The following SYTL3 variants were observed in gnomAD, a reference collection of about 807,000 sequenced individuals.
The protein encoded by SYTL3 is synaptotagmin-like protein 3.
SYTL3 carries 88 observed loss-of-function variants against 82.1 expected under a neutral mutation model. The ratio of observed to expected loss-of-function variants is 1.07; its 90% CI spans 0.90 to 1.28. The LOEUF is 1.28. SYTL3 is among the 50% of genes most tolerant of loss of function. The pLI, the probability that SYTL3 is intolerant of heterozygous loss-of-function variation, is 0.00. For synonymous variants in SYTL3, 311 were observed against 289.4 expected, an observed-to-expected ratio of 1.07 and a Z score of -0.76; for missense variants, 831 against 757.6, an observed-to-expected ratio of 1.10 and a Z score of -1.14.
chr6:158,683,094 G>A, intron 6 of SYTL3, 105 bp downstream of exon 6: 1 of 785,826 alleles, frequency 1.3e-6, no homozygotes, highest in Non-Finnish European at 2.1e-6. Flanking sequence ...GGTGTAGTCT[G>A]CGGGCCCCTA....
rs749740228 is a variant in SYTL3, at chr6:158,763,319, A to T, written c.1533A>T (p.Pro511=). The change falls in exon 17 of 18, where the codon CCA becomes CCT. Residue 511 remains proline (P), a synonymous_variant. Coordinates refer to ENST00000611299, the MANE Select transcript of SYTL3 (RefSeq NM_001242394.2). ...CCCTCTTCAGCTGTCTCACTCTGCC[A>T]GACCAACAAAAACTGAGACTGAAGT... is the stretch of plus-strand genomic sequence containing the variant. The part of the protein sequence containing the change: ...NSFVKGCLTL[P]DQQKLRLKSP... The T allele has an allele frequency of 6.2e-7, 1 of 1,614,096 alleles. No homozygotes were observed. Among genetic ancestry groups the T allele is most frequent in the Non-Finnish European group, 8.5e-7 (1 of 1,180,046 alleles).
chr6:158,731,864 A>G (rs906761841), intron 11 of SYTL3, among the ~76,000 whole-genome samples: 1 of 152,220 alleles, frequency 6.6e-6, no homozygotes, highest in African/African-American at 2.4e-5. Context: ...AAGTGCTGGG[A>G]TTACAGGCGT....
intron 6 of SYTL3, 141 bp from the exon 7 acceptor site, chr6:158,707,089 C>A (rs1583312452): frequency 2.3e-6 from 2 of 851,180 alleles, no homozygotes; most frequent in East Asian, 5.3e-5. Flanking sequence ...TGGAACATTT[C>A]TATCACCTCA....
intron 6 of SYTL3, among the ~76,000 whole-genome samples, chr6:158,693,428 C>T (rs1391292114): frequency 6.6e-6 from 1 of 152,160 alleles, no homozygotes; most frequent in Non-Finnish European, 1.5e-5. Flanking sequence ...CACTCTGTCA[C>T]CCAGGCTGGA....
intron 4 of SYTL3, 34 bp from the exon 5 acceptor site, chr6:158,665,361 C>T (rs1789910414): frequency 6.4e-7 from 1 of 1,550,518 alleles, no homozygotes; most frequent in South Asian, 1.2e-5. Context: ...GGTGTTCCAT[C>T]TAATACTATC....
chr6:158,663,481 C>T, intron 4 of SYTL3, 103 bp downstream of exon 4: 2 of 1,515,508 alleles, frequency 1.3e-6, no homozygotes, highest in Non-Finnish European at 1.8e-6. Flanking sequence ...CACTACCCAC[C>T]TGCTGCTGGG....
intron 2 of SYTL3, among the ~76,000 whole-genome samples, chr6:158,652,044 C>T (rs950900850): frequency 6.6e-6 from 1 of 151,054 alleles, no homozygotes; most frequent in Non-Finnish European, 1.5e-5. Flanking sequence ...TCTCCTGCCT[C>T]AGCCTCCCCG....
intron 6 of SYTL3, among the ~76,000 whole-genome samples, chr6:158,688,156 GTTTA>G (rs1390524137): frequency 1.3e-5 from 2 of 152,162 alleles, no homozygotes; most frequent in African/African-American, 2.4e-5. Context: ...ATGCACTATA[GTTTA>G]TTTAACCTGT....
At chr6:158,677,304 G>A (rs1281456884) in intron 5 of SYTL3, among the ~76,000 whole-genome samples, 1 of 152,052 alleles carries the variant, frequency 6.6e-6, no homozygotes, top group African/African-American at 2.4e-5. Context: ...ACTATCTCAA[G>A]GACAAAAAAC....
chr6:158,651,167 A>G (rs918455171), intron 1 of SYTL3, among the ~76,000 whole-genome samples: 2 of 152,230 alleles, frequency 1.3e-5, no homozygotes, highest in African/African-American at 4.8e-5. Flanking sequence ...ATGTGGCAAT[A>G]AGGATTAGTA....
chr6:158,754,051 T>C (rs976216385), intron 13 of SYTL3, among the ~76,000 whole-genome samples: 1 of 152,126 alleles, frequency 6.6e-6, no homozygotes, highest in Non-Finnish European at 1.5e-5. Flanking sequence ...CCAATCACAA[T>C]CACACCTTTG....
intron 11 of SYTL3, among the ~76,000 whole-genome samples, chr6:158,743,808 G>C (rs1787248244): frequency 6.6e-6 from 1 of 151,958 alleles, no homozygotes; most frequent in African/African-American, 2.4e-5. Flanking sequence ...GAATGGTGTT[G>C]ACAGGTGAGA....
chr6:158,707,915 C>G (rs1292423563), intron 7 of SYTL3, among the ~76,000 whole-genome samples: 2 of 152,180 alleles, frequency 1.3e-5, no homozygotes, highest in African/African-American at 4.8e-5. Context: ...GCACAAGCTT[C>G]CAGTTTGCTT....
chr6:158,704,149 T>A (rs1456266453), intron 6 of SYTL3, among the ~76,000 whole-genome samples: 5 of 149,504 alleles, frequency 3.3e-5, no homozygotes, highest in Non-Finnish European at 7.4e-5. Flanking sequence ...TTTAAATGGT[T>A]AAAAAAAAAA....
intron 2 of SYTL3, among the ~76,000 whole-genome samples, chr6:158,657,445 A>G (rs202021739): frequency 7.3e-5 from 11 of 150,466 alleles, no homozygotes; most frequent in East Asian, 3.9e-4. Flanking sequence ...AAAAAAAAAA[A>G]AGAGAGAAAA....
Position 158,738,117 on chromosome 6 carries a change from A to G in SYTL3, c.856-7363A>G, listed in dbSNP as rs140100874. 9.2e-3 allele frequency among the ~76,000 whole-genome samples: 1,396 copies of G among 152,304 alleles called. 13 individuals are homozygous for G. The highest frequency in any genetic ancestry group is 0.031 in the African/African-American group (1,289 of 41,564). ...GCTGCACACCCAAGGAGCAAAGTGC[A>G]TGGCAGGGCAGCCCTAACCCCAGGA... On this transcript the variant is annotated intron_variant, in intron 11 of 17. Coordinates refer to ENST00000611299, the MANE Select transcript of SYTL3 (RefSeq NM_001242394.2).
rs576023392 is a variant in SYTL3, at chr6:158,736,681, G to A, written c.856-8799G>A. 2.4e-4 allele frequency among the ~76,000 whole-genome samples: 36 copies of A among 151,944 alleles called. 1 individual carries two copies. The highest frequency in any genetic ancestry group is 2.3e-3 in the East Asian group (12 of 5,150). Reference sequence around the variant, plus strand: ...CAGGTGCCTGTAATCCCACCTACTTGGGAGGCTGAGGCAGGAGAAATGCTT... The same window carrying A: ...CAGGTGCCTGTAATCCCACCTACTTAGGAGGCTGAGGCAGGAGAAATGCTT... On this transcript the variant is annotated intron_variant, in intron 11 of 17. Transcript: ENST00000611299.
intron 11 of SYTL3, among the ~76,000 whole-genome samples, chr6:158,742,620 A>G (rs1583447732): frequency 6.6e-6 from 1 of 151,408 alleles, no homozygotes; most frequent in South Asian, 2.1e-4. Context: ...CTGTCACTCA[A>G]GCTGGAGTGC....
intron 2 of SYTL3, among the ~76,000 whole-genome samples, chr6:158,660,393 A>T (rs1377758866): frequency 6.6e-6 from 1 of 152,266 alleles, no homozygotes; most frequent in Non-Finnish European, 1.5e-5. Flanking sequence ...ATTTTTCTGT[A>T]ACGCGGAGTG....
Sources: gnomAD v4.1 joint callset for allele counts (sites outside exome capture counted in the v4.1 genomes callset) on GRCh38, gnomAD v4.1.1 for gene constraint, MANE v1.5 for transcripts, NCBI Gene and HGNC (gene_info 2026-07-23, HGNC 2026-07-21) for gene names.